The following CREM variants were observed in gnomAD, a reference collection of about 807,000 sequenced individuals.
The protein encoded by CREM is cAMP-responsive element modulator.
In CREM, 13 loss-of-function variants were observed where a neutral mutation model predicts 37.3. That is an observed-to-expected ratio of 0.35 (90% confidence interval 0.23 to 0.55). The LOEUF (loss-of-function observed/expected upper bound fraction) is 0.55. Ranked by LOEUF, CREM falls within the 20% of genes least tolerant of loss-of-function variation. CREM has a pLI of 0.88. For synonymous variants in CREM, 124 were observed against 120.2 expected, an observed-to-expected ratio of 1.03 and a Z score of -0.21; for missense variants, 296 against 362.3, an observed-to-expected ratio of 0.82 and a Z score of 1.49.
rs551269288 is a variant in CREM, at chr10:35,201,356, G to A, written c.599-5539G>A. ...GGAAGGGAACTAACATTTGTGGAGT[G>A]CCTGCCATGTGCCAGGCACTGTGCT... On this transcript the variant is annotated intron_variant, in intron 6 of 7. Coordinates refer to ENST00000685392, the MANE Select transcript of CREM (RefSeq NM_183011.2). 15 of 1,335,758 alleles carry A rather than the reference G, an allele frequency of 1.1e-5. No individual in the cohort carries two copies. The African/African-American group carries it at 1.4e-4, about 13-fold the overall frequency. The allele number at this position is 1,335,758 out of a possible 1,614,324, so 82.7% of individuals were successfully genotyped here. A position where few individuals can be genotyped will look rare whatever the true frequency, so the allele number is the denominator to read the frequency against.
At chr10:35,132,785 T>G (rs538841292) in intron 1 of CREM, among the ~76,000 whole-genome samples, 1 of 152,232 alleles carries the variant, frequency 6.6e-6, no homozygotes, top group African/African-American at 2.4e-5. Flanking sequence ...TGCAGCTATA[T>G]GGCTGTTTGG....
chr10:35,174,214 C>G (rs1214284817), intron 3 of CREM, among the ~76,000 whole-genome samples: 1 of 152,188 alleles, frequency 6.6e-6, no homozygotes, highest in South Asian at 2.1e-4. Flanking sequence ...CACTCAAGCT[C>G]TGGCATCTAC....
intron 3 of CREM, among the ~76,000 whole-genome samples, chr10:35,155,627 TTTTC>T (rs1372308391): frequency 4.9e-3 from 96 of 19,670 alleles, no homozygotes; most frequent in African/African-American, 5.4e-3. Flanking sequence ...TTTTCTTTTC[TTTTC>T]TTTTTTTTTT....
rs1360038710 is a variant in CREM at position 35,207,430 on chromosome 10, GATA to G, written c.755+384_755+386del. 7.3e-5 allele frequency among the ~76,000 whole-genome samples: 11 copies of G among 150,366 alleles called. No individual in the cohort carries two copies. The East Asian group carries it at 9.8e-4, about 13-fold the overall frequency. On this transcript the variant is annotated intron_variant, in intron 7 of 7. Transcript: ENST00000685392. The stretch of plus-strand genomic sequence containing the variant: ...AAAACAATATTAAATATTAATAAAT[GATA>G]ATAAAATAATGATAAAAATAATATC...
At chr10:35,153,132 T>A (rs1481642834) in intron 3 of CREM, among the ~76,000 whole-genome samples, 1 of 152,064 alleles carries the variant, frequency 6.6e-6, no homozygotes, top group African/African-American at 2.4e-5. Flanking sequence ...TAGTCCCAGC[T>A]ACTTGGGAGA....
chr10:35,188,378 T>G lies in CREM; in HGVS notation c.588T>G (p.Val196=), dbSNP rs200629851. 22 of 1,612,020 alleles carry G rather than the reference T, an allele frequency of 1.4e-5. No homozygotes were observed. The East Asian group carries it at 3.3e-4, about 25-fold the overall frequency. The change falls in exon 6 of 8, where the codon GTT becomes GTG. Residue 196 remains valine (V), a synonymous_variant. Coordinates refer to ENST00000685392, the MANE Select transcript of CREM (RefSeq NM_183011.2). The stretch of plus-strand genomic sequence containing the variant: ...AGTTCTTTGTCCCAGGCAGCCAGGT[T>G]GTTGTTCAAGGTATATTTTATTAAT... ...TQQFFVPGSQ[V]VVQAATGDMP...
intron 3 of CREM, chr10:35,167,665 A>G (rs771792531): frequency 1.9e-4 from 286 of 1,538,456 alleles, no homozygotes; most frequent in Admixed American, 3.3e-4. Flanking sequence ...AAGGCTGTCA[A>G]TTGCATCATC....
intron 5 of CREM, among the ~76,000 whole-genome samples, chr10:35,185,106 CTTT>C (rs34532646): frequency 6.6e-5 from 9 of 135,386 alleles, no homozygotes; most frequent in Admixed American, 7.5e-5. Flanking sequence ...CTTTGTACTT[CTTT>C]TTTTTTTTTT....
At chr10:35,201,539 G>C in intron 6 of CREM, 1 of 1,550,626 alleles carries the variant, frequency 6.4e-7, no homozygotes, top group Non-Finnish European at 8.7e-7. Context: ...TGCTTTTTCT[G>C]CTGTACCGTG....
chr10:35,159,987 G>C (rs944539315), intron 3 of CREM, among the ~76,000 whole-genome samples: 3 of 152,186 alleles, frequency 2.0e-5, no homozygotes, highest in Non-Finnish European at 4.4e-5. Flanking sequence ...TCTACATTTT[G>C]AGAAATGTGT....
intron 6 of CREM, among the ~76,000 whole-genome samples, chr10:35,196,931 G>A (rs899574431): frequency 3.9e-4 from 53 of 137,238 alleles, no homozygotes; most frequent in Non-Finnish European, 7.5e-4. Context: ...GTGCAGTGGC[G>A]CGATCTTGGC....
chr10:35,185,997 C>T (rs527334788), intron 5 of CREM, among the ~76,000 whole-genome samples: 54 of 152,262 alleles, frequency 3.5e-4, no homozygotes, highest in South Asian at 3.5e-3. Flanking sequence ...GCTTTTTTGC[C>T]TAGATGCCTT....
chr10:35,187,094 A>AATT (rs1408413394), intron 5 of CREM, among the ~76,000 whole-genome samples: 8 of 55,344 alleles, frequency 1.4e-4, no homozygotes, highest in Admixed American at 3.2e-4. Flanking sequence ...AATATATAAT[A>AATT]TATATGATAT....
chr10:35,164,460 TC>T (rs1165335017), intron 3 of CREM, among the ~76,000 whole-genome samples: 1 of 152,228 alleles, frequency 6.6e-6, no homozygotes, highest in African/African-American at 2.4e-5. Context: ...TAAGCAAAGT[TC>T]CGGTATGTCA....
At chr10:35,166,375 A>G (rs2093555918) in intron 3 of CREM, among the ~76,000 whole-genome samples, 1 of 152,020 alleles carries the variant, frequency 6.6e-6, no homozygotes, top group South Asian at 2.1e-4. Context: ...CAGCCTGACA[A>G]CATGGTGAAA....
intron 6 of CREM, among the ~76,000 whole-genome samples, chr10:35,191,086 T>TTTTTTTTATTTATTTA (rs148704946): frequency 1.4e-5 from 2 of 147,990 alleles, no homozygotes; most frequent in African/African-American, 4.9e-5. Context: ...ACATTTTTCT[T>TTTTTTTTATTTATTTA]TTTATTTATT....
chr10:35,196,038 G>A (rs1390459424), intron 6 of CREM: 1 of 1,613,734 alleles, frequency 6.2e-7, no homozygotes, highest in Admixed American at 1.7e-5. Flanking sequence ...CTTGAAGAGG[G>A]AAACACGTCA....
intron 1 of CREM, among the ~76,000 whole-genome samples, chr10:35,136,891 G>T (rs2135576876): frequency 6.7e-6 from 1 of 150,134 alleles, no homozygotes; most frequent in Admixed American, 6.7e-5. Flanking sequence ...TGCAAACATG[G>T]CCCATTGCAG....
chr10:35,195,348 A>G, intron 6 of CREM: 1 of 847,486 alleles, frequency 1.2e-6, no homozygotes. Context: ...TTTTTGAAAT[A>G]TACATCTATA....
Sources: allele counts gnomAD v4.1 joint callset (sites outside exome capture counted in the v4.1 genomes callset), GRCh38; gene constraint gnomAD v4.1.1; transcripts MANE v1.5; gene names NCBI Gene and HGNC (gene_info 2026-07-23, HGNC 2026-07-21).